The following CSMD1 variants were observed in gnomAD, a reference collection of about 807,000 sequenced individuals.
The protein encoded by CSMD1 is CUB and Sushi multiple domains 1.
Under a neutral mutation model 417.5 loss-of-function variants are expected in CSMD1, and 213 were observed. The observed-to-expected ratio is 0.51, with a 90% CI of 0.46 to 0.57. The LOEUF (loss-of-function observed/expected upper bound fraction) is 0.57, where lower values mean the gene tolerates loss of function less well. Among genes scored for constraint, CSMD1 ranks in the 20% least tolerant of loss-of-function variants. The pLI is 0.00. For missense variants in CSMD1, 6,923 were observed against 4,529.7 expected, an observed-to-expected ratio of 1.53 and a Z score of -15.17; for synonymous variants, 2,862 against 1,736.8, an observed-to-expected ratio of 1.65 and a Z score of -16.11.
At chr8:3,031,706 C>T (rs1810351621) in intron 50 of CSMD1, among the ~76,000 whole-genome samples, 1 of 151,910 alleles carries the variant, frequency 6.6e-6, no homozygotes, top group Non-Finnish European at 1.5e-5. Flanking sequence ...CCAAAAATTC[C>T]AATTTGGTTC....
intron 5 of CSMD1, among the ~76,000 whole-genome samples, chr8:3,953,968 C>T (rs985408024): frequency 6.6e-6 from 1 of 152,198 alleles, no homozygotes; most frequent in African/African-American, 2.4e-5. Flanking sequence ...TGGGAGCGCA[C>T]AGGAGCCCTT....
Position 3,087,251 on chromosome 8 carries a change from A to T in CSMD1, c.7320T>A (p.Asn2440Lys). Residue 2440 changes from asparagine (N) to lysine (K), a missense_variant, in exon 49 of 70, where the codon AAT becomes AAA. By Grantham distance (94) the Asn-to-Lys change is moderately conservative. Coordinates refer to ENST00000635120, the MANE Select transcript of CSMD1 (RefSeq NM_033225.6). ...PYCSLTHPLK[N>K]GGILNRTAGA... The stretch of plus-strand genomic sequence containing the variant: ...CTGCAGTCCTGTTTAGAATACCCCC[A>T]TTCTTCAGGGGGTGGGTCAAACTGC... The T allele has an allele frequency of 6.2e-7, 1 of 1,613,944 alleles. No individual in the cohort carries two copies. Among genetic ancestry groups the T allele is most frequent in the South Asian group, 1.1e-5 (1 of 91,082 alleles).
At chr8:4,264,835 T>C (rs933839126) in intron 3 of CSMD1, among the ~76,000 whole-genome samples, 1 of 152,158 alleles carries the variant, frequency 6.6e-6, no homozygotes, top group African/African-American at 2.4e-5. Flanking sequence ...AAACTAAGGA[T>C]AATTTCAATC....
At chr8:3,101,109 C>T (rs897393509) in intron 46 of CSMD1, among the ~76,000 whole-genome samples, 5 of 151,462 alleles carry the variant, frequency 3.3e-5, no homozygotes, top group East Asian at 1.9e-4. Flanking sequence ...TTGAAGGATC[C>T]CCCAAGGTCC....
intron 2 of CSMD1, among the ~76,000 whole-genome samples, chr8:4,618,906 C>T (rs901819039): frequency 6.6e-6 from 1 of 152,126 alleles, no homozygotes; most frequent in Non-Finnish European, 1.5e-5. Context: ...GGGCTCTAGC[C>T]ATAAACTCTT....
chr8:4,289,606 G>C (rs573073737), intron 3 of CSMD1, among the ~76,000 whole-genome samples: 2 of 152,268 alleles, frequency 1.3e-5, no homozygotes, highest in East Asian at 3.9e-4. Flanking sequence ...CGATGGTGCC[G>C]TGGATGATGG....
intron 1 of CSMD1, among the ~76,000 whole-genome samples, chr8:4,768,899 T>C (rs529877708): frequency 1.3e-5 from 2 of 152,310 alleles, no homozygotes; most frequent in East Asian, 3.9e-4. Context: ...AGCCGAGTCT[T>C]CCAGCAATCT....
Position 3,110,325 on chromosome 8 carries a change from C to G in CSMD1, c.6441G>C (p.Gly2147=), listed in dbSNP as rs1816425420. Residue 2147 remains glycine, a synonymous_variant, in exon 43 of 70, where the codon GGG becomes GGC. Transcript: ENST00000635120. ...TGCCGTTCTGAGAAGTTACGTTGTA[C>G]CCACAAGGGGCTGCAAAGGAAACCA... ...YPFPRCDAPC[G]YNVTSQNGTI... is the part of the protein sequence containing the mutation. 6.2e-7 allele frequency: 1 copy of G among 1,608,142 alleles called. No homozygotes were observed. Among genetic ancestry groups the G allele is most frequent in the East Asian group, 2.2e-5 (1 of 44,766 alleles).
chr8:3,777,800 C>T (rs1965931), intron 5 of CSMD1, among the ~76,000 whole-genome samples: 80,124 of 96,448 alleles, frequency 0.83, 32,528 homozygotes, highest in South Asian at 0.91. Context: ...CTCCTTGAAG[C>T]GCAGAGTCTC....
intron 2 of CSMD1, among the ~76,000 whole-genome samples, chr8:4,625,425 G>C (rs1802039649): frequency 6.6e-6 from 1 of 152,022 alleles, no homozygotes. Flanking sequence ...GCCTCTTTGA[G>C]AGTGCCTTAT....
intron 1 of CSMD1, chr8:4,788,494 C>T (rs1797526952): frequency 2.2e-6 from 3 of 1,351,428 alleles, no homozygotes; most frequent in South Asian, 2.4e-5. Context: ...GGGTAGACAA[C>T]CATTTAGTAT....
In CSMD1 at chr8:4,224,244, AT is replaced by A. The variant is rs546091383; in HGVS notation, c.416-192146del. On this transcript the variant is annotated intron_variant, in intron 3 of 69. Transcript: ENST00000635120. ...AAAAGGCCTTTTTCAGAAAAAAAAA[AT>A]AATTTGAAAATGCTTGCACACGTTT... Among the ~76,000 whole-genome samples the A allele has an allele frequency of 4.6e-3, 541 of 117,768 alleles. 5 individuals are homozygous for A. Among genetic ancestry groups the A allele is most frequent in the South Asian group, 0.022 (78 of 3,588 alleles). The allele number at this position is 117,768 out of a possible 152,430, so 77.3% of individuals were successfully genotyped here. A position where few individuals can be genotyped will look rare whatever the true frequency, so the allele number is the denominator to read the frequency against.
intron 5 of CSMD1, among the ~76,000 whole-genome samples, chr8:3,938,641 T>C (rs1810665839): frequency 6.6e-6 from 1 of 152,200 alleles, no homozygotes; most frequent in Admixed American, 6.5e-5. Context: ...AGCAGGTCAC[T>C]GCAAGTCTCT....
intron 2 of CSMD1, among the ~76,000 whole-genome samples, chr8:4,455,601 A>T (rs13279154): frequency 6.6e-6 from 1 of 151,982 alleles, no homozygotes; most frequent in African/African-American, 2.4e-5. Flanking sequence ...TGAATTTTTA[A>T]ATCATCTTAT....
intron 3 of CSMD1, among the ~76,000 whole-genome samples, chr8:4,219,639 T>A (rs929828830): frequency 6.6e-6 from 1 of 152,224 alleles, no homozygotes; most frequent in Non-Finnish European, 1.5e-5. Flanking sequence ...AAGCAAATCT[T>A]TGTTCACTAA....
rs575770362 is a variant in CSMD1, at chr8:4,824,293, C to T, written c.85+170039G>A. 5.2e-4 allele frequency among the ~76,000 whole-genome samples: 79 copies of T among 151,970 alleles called. 1 individual carries two copies. The highest frequency in any genetic ancestry group is 1.7e-3 in the African/African-American group (71 of 41,450). ...GAAATACACAAGTTTTTCTTGGGTA[C>T]GTATCAATTGAAATAATACTTTGTG... On this transcript the variant is annotated intron_variant, in intron 1 of 69. Transcript: ENST00000635120.
intron 3 of CSMD1, among the ~76,000 whole-genome samples, chr8:4,244,092 C>G (rs1802555607): frequency 6.6e-6 from 1 of 152,158 alleles, no homozygotes; most frequent in Non-Finnish European, 1.5e-5. Flanking sequence ...CTCTGTGCAT[C>G]TGAAGATGAC....
intron 10 of CSMD1, among the ~76,000 whole-genome samples, chr8:3,498,112 T>C (rs1349247284): frequency 6.6e-6 from 1 of 152,232 alleles, no homozygotes; most frequent in Non-Finnish European, 1.5e-5. Flanking sequence ...TTTCAGCATT[T>C]TCATTATATC....
chr8:4,047,833 T>A (rs1798228098), intron 3 of CSMD1, among the ~76,000 whole-genome samples: 2 of 152,062 alleles, frequency 1.3e-5, no homozygotes, highest in African/African-American at 4.8e-5. Context: ...AAAGTGGCAT[T>A]GAAAAAAAAT....
Sources: allele counts gnomAD v4.1 joint callset (sites outside exome capture counted in the v4.1 genomes callset), GRCh38; gene constraint gnomAD v4.1.1; transcripts MANE v1.5; gene names NCBI Gene and HGNC (gene_info 2026-07-23, HGNC 2026-07-21).